The following EPN2 variants were observed in gnomAD, a reference collection of about 807,000 sequenced individuals.
EPN2 encodes epsin 2.
Under a neutral mutation model 61.7 loss-of-function variants are expected in EPN2, and 34 were observed. The ratio of observed to expected loss-of-function variants is 0.55; its 90% CI spans 0.42 to 0.73. The LOEUF is 0.73. Ranked by LOEUF, EPN2 falls within the 30% of genes least tolerant of loss-of-function variation. The pLI, the probability that EPN2 is intolerant of heterozygous loss-of-function variation, is 0.00. For synonymous variants in EPN2, 349 were observed against 353.6 expected (o/e 0.99, Z 0.15); for missense variants, 714 against 839.2 (o/e 0.85, Z 1.84).
At position 19,285,507 on chromosome 17, in the gene EPN2, G is replaced by T. The variant is rs948859358; in HGVS notation, c.596-113G>T. On this transcript the variant is annotated intron_variant, in intron 3 of 10. Transcript: ENST00000314728. The surrounding 1 kb of genome is among the most constrained non-coding windows in gnomAD (Gnocchi z 4.5). ...TGGGCTTTTCACAGCTTCCACCGCAGTGGGCTGCGGGGTTGACCCCGAGTG... is the reference window on the plus strand; with the variant it reads ...TGGGCTTTTCACAGCTTCCACCGCATTGGGCTGCGGGGTTGACCCCGAGTG... 1.5e-6 allele frequency: 2 copies of T among 1,345,080 alleles called. No homozygotes were observed. Among genetic ancestry groups the T allele is most frequent in the African/African-American group, 3.0e-5 (2 of 66,468 alleles). The allele number at this position is 1,345,080 out of a possible 1,614,324, so 83.3% of individuals were successfully genotyped here.
intron 4 of EPN2, among the ~76,000 whole-genome samples, chr17:19,295,187 G>C (rs149698226): frequency 6.6e-6 from 1 of 152,100 alleles, no homozygotes; most frequent in Non-Finnish European, 1.5e-5. Flanking sequence ...TGTATCCCTA[G>C]TGTCTTTAGC....
rs1247812498 is a variant in EPN2 at position 19,260,606 on chromosome 17, C to CT, written c.-293-21341dup. 7.3e-5 allele frequency among the ~76,000 whole-genome samples: 11 copies of CT among 149,816 alleles called. 1 individual carries two copies. The East Asian group carries it at 1.4e-3, about 19-fold the overall frequency. ...CTTTGATGTGGCTCTGGTATTTTTT[C>CT]TTTTTTTTGAGAATGGAACTTTTTT... On this transcript the variant is annotated intron_variant, in intron 1 of 10. Transcript: ENST00000314728.
At chr17:19,330,692 A>G (rs921950490) in intron 9 of EPN2, 4 of 152,272 alleles carry the variant, frequency 2.6e-5, no homozygotes, top group Non-Finnish European at 5.9e-5. Context: ...GTTACATGTC[A>G]GCTTTTGAAA....
At chr17:19,249,703 T>C (rs2044992943) in intron 1 of EPN2, among the ~76,000 whole-genome samples, 1 of 152,236 alleles carries the variant, frequency 6.6e-6, no homozygotes, top group South Asian at 2.1e-4. Context: ...TTTCTAAACA[T>C]TGAAATTGGT....
At chr17:19,307,855 C>CAGA in intron 4 of EPN2, 8 of 962,848 alleles carry the variant, frequency 8.3e-6, no homozygotes, top group Non-Finnish European at 9.9e-6. Flanking sequence ...TAGGCCTCTT[C>CAGA]CCCTGTTTTA....
chr17:19,252,549 C>T (rs1005847406), intron 1 of EPN2, among the ~76,000 whole-genome samples: 25 of 152,174 alleles, frequency 1.6e-4, no homozygotes, highest in African/African-American at 6.0e-4. Flanking sequence ...TGCTTCAATA[C>T]ATATCTCTAA....
At chr17:19,289,708 T>G (rs965646487) in intron 4 of EPN2, among the ~76,000 whole-genome samples, 1 of 143,024 alleles carries the variant, frequency 7.0e-6, no homozygotes, top group East Asian at 2.3e-4. Flanking sequence ...CTGTTCGGCC[T>G]CACCTGGCGC....
intron 4 of EPN2, among the ~76,000 whole-genome samples, chr17:19,303,580 G>A (rs1177744584): frequency 6.6e-6 from 1 of 152,080 alleles, no homozygotes; most frequent in Non-Finnish European, 1.5e-5. Flanking sequence ...GCGTTTTGCT[G>A]GGACTGTCAT....
rs78169404 is a variant in EPN2 at position 19,279,036 on chromosome 17, G to GT, written c.-293-2910dup. Among the ~76,000 whole-genome samples, 593 of 151,310 alleles carry GT rather than the reference G, an allele frequency of 3.9e-3. 14 individuals are homozygous for GT. In the South Asian group the frequency reaches 0.069, roughly 18 times the overall value. On this transcript the variant is annotated intron_variant, in intron 1 of 10. Transcript: ENST00000314728. ...ATGCAAATTATATAGGCCTTATTTC[G>GT]TTTTTTTTTACTATAACCAGTATTT...
At chr17:19,255,484 T>A (rs1011010495) in intron 1 of EPN2, among the ~76,000 whole-genome samples, 1 of 118,322 alleles carries the variant, frequency 8.5e-6, no homozygotes, top group Non-Finnish European at 2.0e-5. Flanking sequence ...TTATTTATTT[T>A]CTTGTGTTCT....
chr17:19,271,937 G>T (rs957396311), intron 1 of EPN2, among the ~76,000 whole-genome samples: 9 of 152,220 alleles, frequency 5.9e-5, no homozygotes, highest in African/African-American at 2.2e-4. Flanking sequence ...ACTCTCGCAG[G>T]CTCCTCGCGA....
Position 19,315,390 on chromosome 17 carries a change from TTGG to T in EPN2, c.1147+2115_1147+2117del, listed in dbSNP as rs577286182. ...GTCTCCCCTGATGAATGGGGGCAAC[TTGG>T]TGGGCTTGATGGGCTGCTGCTTCAC... On this transcript the variant is annotated intron_variant, in intron 7 of 10. Coordinates refer to ENST00000314728, the MANE Select transcript of EPN2 (RefSeq NM_014964.5). 3.0e-4 allele frequency among the ~76,000 whole-genome samples: 46 copies of T among 152,300 alleles called. 1 individual carries two copies. In the South Asian group the frequency reaches 5.0e-3, roughly 16 times the overall value.
At chr17:19,268,047 C>T (rs560833067) in intron 1 of EPN2, among the ~76,000 whole-genome samples, 83 of 152,332 alleles carry the variant, frequency 5.4e-4, no homozygotes, top group South Asian at 1.0e-3. Context: ...GCAGCCTCTG[C>T]ATTCCCAGCT....
Position 19,309,940 on chromosome 17 carries a change from A to T in EPN2, c.822A>T (p.Gly274=), listed in dbSNP as rs769071495. 1.9e-6 allele frequency: 3 copies of T among 1,609,420 alleles called. No homozygotes were observed. Among genetic ancestry groups the T allele is most frequent in the Non-Finnish European group, 8.5e-7 (1 of 1,179,982 alleles). Residue 274 remains glycine, a synonymous_variant, in exon 5 of 11, where the codon GGA becomes GGT. Coordinates refer to ENST00000314728, the MANE Select transcript of EPN2 (RefSeq NM_014964.5). ...AGCAAGCCCGGCCCCAGACTAGTGG[A>T]GAAGAGGAGCTTCAGCTGCAGCTGG... ...ELEQARPQTS[G]EEELQLQLAL... is the part of the protein sequence containing the mutation.
intron 9 of EPN2, 151 bp from the exon 10 acceptor site, chr17:19,331,702 G>A: frequency 3.1e-6 from 2 of 648,020 alleles, no homozygotes. Flanking sequence ...GTGGACACTT[G>A]ATTTATCTAA....
intron 7 of EPN2, among the ~76,000 whole-genome samples, chr17:19,316,448 G>A (rs1259686753): frequency 6.6e-6 from 1 of 152,180 alleles, no homozygotes; most frequent in African/African-American, 2.4e-5. Flanking sequence ...AATAGGTTTG[G>A]GACAGGCTCA....
intron 7 of EPN2, among the ~76,000 whole-genome samples, chr17:19,313,986 C>T (rs750773481): frequency 4.6e-5 from 7 of 152,282 alleles, no homozygotes; most frequent in East Asian, 1.9e-4. Context: ...CCCTACTGGG[C>T]GTGGCTGACC....
At chr17:19,313,623 A>C in intron 7 of EPN2, 1 of 267,372 alleles carries the variant, frequency 3.7e-6, no homozygotes, top group African/African-American at 2.2e-5. Context: ...AAGGAACCAA[A>C]ATACACAGCA....
rs371573701 is a variant in EPN2, at chr17:19,252,776, G to A, written c.-294+15245G>A. Among the ~76,000 whole-genome samples the A allele has an allele frequency of 2.0e-4, 31 of 152,264 alleles. No individual in the cohort carries two copies. The South Asian group carries it at 5.0e-3, about 24-fold the overall frequency. On this transcript the variant is annotated intron_variant, in intron 1 of 10. Transcript: ENST00000314728. ...GTGATCTCTGCTCACCGCAACCTCC[G>A]CCTCCTGGGCTCAAGCCATCCTCCC...
Sources: gnomAD v4.1 joint callset for allele counts (sites outside exome capture counted in the v4.1 genomes callset) on GRCh38, gnomAD v4.1.1 for gene constraint, Gnocchi (gnomAD v3.1) non-coding constraint, MANE v1.5 for transcripts, NCBI Gene and HGNC (gene_info 2026-07-23, HGNC 2026-07-21) for gene names.